The following SSBP3 variants were observed in gnomAD, a reference collection of about 807,000 sequenced individuals.
SSBP3 encodes the protein single stranded DNA binding protein 3, also known as single-stranded DNA-binding protein 3.
Under a neutral mutation model 69.6 loss-of-function variants are expected in SSBP3, and 5 were observed. The observed-to-expected ratio is 0.07, with a 90% CI of 0.04 to 0.15. The LOEUF is 0.15. SSBP3 is among the 10% of genes least tolerant of loss of function. The probability of loss-of-function intolerance (pLI) is 1.00; values close to 1 mark genes in which losing one functional copy is unlikely to be tolerated. For synonymous variants in SSBP3, 196 were observed against 193.4 expected, an observed-to-expected ratio of 1.01 and a Z score of -0.11; for missense variants, 312 against 534.0, an observed-to-expected ratio of 0.58 and a Z score of 4.10.
chr1:54,278,303 T>G (rs1645328285), intron 5 of SSBP3, among the ~76,000 whole-genome samples: 1 of 150,908 alleles, frequency 6.6e-6, no homozygotes, highest in Non-Finnish European at 1.5e-5. Context: ...ATATGCCAGG[T>G]GCTGGGGATG....
chr1:54,337,656 C>T (rs1181050552), intron 4 of SSBP3, among the ~76,000 whole-genome samples: 7 of 151,716 alleles, frequency 4.6e-5, no homozygotes, highest in African/African-American at 7.3e-5. Context: ...CCACCACACC[C>T]GACTAATTTT....
intron 14 of SSBP3, among the ~76,000 whole-genome samples, chr1:54,234,467 A>AC (rs1644451670): frequency 1.3e-5 from 2 of 152,154 alleles, no homozygotes; most frequent in African/African-American, 4.8e-5. Flanking sequence ...ACGTGCCTGT[A>AC]GTCCCAGCTA....
intron 4 of SSBP3, among the ~76,000 whole-genome samples, chr1:54,387,663 T>C (rs1220460069): frequency 1.3e-5 from 2 of 152,238 alleles, no homozygotes; most frequent in East Asian, 1.9e-4. Context: ...TTTAATCTAA[T>C]TGACTAATTA....
intron 4 of SSBP3, among the ~76,000 whole-genome samples, chr1:54,378,804 T>C (rs1647393979): frequency 6.6e-6 from 1 of 152,100 alleles, no homozygotes; most frequent in South Asian, 2.1e-4. Context: ...GCTGGAGGGC[T>C]GGGACAAAGG....
chr1:54,288,358 G>A (rs1273698361), intron 4 of SSBP3, among the ~76,000 whole-genome samples: 3 of 152,174 alleles, frequency 2.0e-5, no homozygotes, highest in East Asian at 1.9e-4. Flanking sequence ...TGACACTGTG[G>A]ATGTCCAAGG....
intron 14 of SSBP3, among the ~76,000 whole-genome samples, chr1:54,233,496 C>T (rs1458398680): frequency 6.7e-6 from 1 of 149,814 alleles, no homozygotes; most frequent in Admixed American, 6.6e-5. Flanking sequence ...GGTGGGGGGT[C>T]AGCCCCCCGC....
chr1:54,347,186 T>C (rs186516755), intron 4 of SSBP3, among the ~76,000 whole-genome samples: 37 of 152,298 alleles, frequency 2.4e-4, no homozygotes, highest in African/African-American at 8.4e-4. Flanking sequence ...CAAGCCAGTC[T>C]TGAATTCCTG....
At chr1:54,408,823 C>T (rs1649917798), upstream of SSBP3, among the ~76,000 whole-genome samples, 1 of 152,184 alleles carries the variant, frequency 6.6e-6, no homozygotes, top group Non-Finnish European at 1.5e-5. Context: ...GTTCAGAGAT[C>T]CTGTGCCAGG....
intron 4 of SSBP3, among the ~76,000 whole-genome samples, chr1:54,392,261 T>C (rs1010391098): frequency 2.0e-5 from 3 of 152,162 alleles, no homozygotes; most frequent in African/African-American, 4.8e-5. Flanking sequence ...TATGGATCAT[T>C]TCCTTCTAGT....
chr1:54,334,210 G>C (rs1344581812), intron 4 of SSBP3, among the ~76,000 whole-genome samples: 1 of 152,000 alleles, frequency 6.6e-6, no homozygotes, highest in Non-Finnish European at 1.5e-5. Context: ...AAATTAGCTG[G>C]GCGTGGTGGT....
intron 4 of SSBP3, among the ~76,000 whole-genome samples, chr1:54,318,752 C>T (rs557336343): frequency 1.7e-4 from 26 of 152,256 alleles, no homozygotes; most frequent in African/African-American, 6.3e-4. Context: ...ATCCCCCACC[C>T]CAAGCCGGGA....
chr1:54,397,565 G>A (rs1345622928), intron 4 of SSBP3, among the ~76,000 whole-genome samples: 1 of 152,126 alleles, frequency 6.6e-6, no homozygotes, highest in Non-Finnish European at 1.5e-5. Context: ...GGAGTGGGAG[G>A]ACAGGGCCAG....
chr1:54,231,498 T>C (rs920931523), intron 14 of SSBP3, among the ~76,000 whole-genome samples: 2 of 152,236 alleles, frequency 1.3e-5, no homozygotes, highest in Admixed American at 6.5e-5. Flanking sequence ...ATGGTGTCCT[T>C]TGAAGCACAA....
In SSBP3 at chr1:54,258,694, C is replaced by T. The variant is rs1010937140; in HGVS notation, c.367-545G>A. ...GCCCAGGCGACGGGTTTCCTGGGGGCAGGAGGGCCGGGGGCACCGACAGAT... is the reference window on the plus strand; with the variant it reads ...GCCCAGGCGACGGGTTTCCTGGGGGTAGGAGGGCCGGGGGCACCGACAGAT... On this transcript the variant is annotated intron_variant, in intron 5 of 17. Transcript: ENST00000610401. The surrounding 1 kb of genome is among the most constrained non-coding windows in gnomAD (Gnocchi z 4.5). Among the ~76,000 whole-genome samples, 1 of 152,030 alleles carries T rather than the reference C, an allele frequency of 6.6e-6. No homozygotes were observed. Among genetic ancestry groups the T allele is most frequent in the Non-Finnish European group, 1.5e-5 (1 of 67,996 alleles).
chr1:54,281,482 T>G, exon 5 of SSBP3: 2 of 1,570,856 alleles, frequency 1.3e-6, no homozygotes, highest in Non-Finnish European at 1.7e-6. Context: ...ATCCCATCGT[T>G]GGGGGGAATG....
intron 4 of SSBP3, among the ~76,000 whole-genome samples, chr1:54,368,862 G>A (rs536594731): frequency 2.6e-5 from 4 of 152,266 alleles, no homozygotes; most frequent in East Asian, 1.9e-4. Context: ...CAGGCAAGTC[G>A]TCTCTCTATT....
intron 5 of SSBP3, among the ~76,000 whole-genome samples, chr1:54,272,487 T>C (rs3753410): frequency 7.2e-6 from 1 of 138,560 alleles, no homozygotes; most frequent in African/African-American, 3.1e-5. Flanking sequence ...GACCTTTTTT[T>C]TAAAAAAAAA....
intron 4 of SSBP3, among the ~76,000 whole-genome samples, chr1:54,314,481 T>C (rs898321942): frequency 6.6e-6 from 1 of 152,180 alleles, no homozygotes; most frequent in African/African-American, 2.4e-5. Flanking sequence ...GCTAGTGCAG[T>C]TTCACCAACA....
At chr1:54,235,448 A>ATTTTTTTTTTTTTTTTTTTTTTTTTTTTT (rs71580002) in intron 14 of SSBP3, among the ~76,000 whole-genome samples, 1 of 69,922 alleles carries the variant, frequency 1.4e-5, no homozygotes, top group Non-Finnish European at 2.5e-5. Flanking sequence ...TGCCCGGCTG[A>ATTTTTTTTTTTTTTTTTTTTTTTTTTTTT]TTTTTTTTTT....
Sources: gnomAD v4.1 joint callset for allele counts (sites outside exome capture counted in the v4.1 genomes callset) on GRCh38, gnomAD v4.1.1 for gene constraint, Gnocchi (gnomAD v3.1) non-coding constraint, MANE v1.5 for transcripts, NCBI Gene and HGNC (gene_info 2026-07-23, HGNC 2026-07-21) for gene names.